SLC22A3: variants seen among roughly 807,000 people sequenced by gnomAD.
The protein encoded by SLC22A3 is solute carrier family 22 member 3, also known as EMT organic cation transporter 3.
In SLC22A3, 51 loss-of-function variants were observed where a neutral mutation model predicts 59.1. That is an observed-to-expected ratio of 0.86 (90% CI 0.69 to 1.09). The LOEUF is 1.09. Ranked by LOEUF, SLC22A3 falls within the 50% of genes least tolerant of loss-of-function variation. The probability of loss-of-function intolerance (pLI) is 0.00; values close to 1 mark genes in which losing one functional copy is unlikely to be tolerated. For missense variants in SLC22A3, 711 were observed against 726.3 expected (o/e 0.98, Z 0.24); for synonymous variants, 325 against 292.0 (o/e 1.11, Z -1.15).
At chr6:160,414,417 G>C (rs1228876507) in intron 5 of SLC22A3, among the ~76,000 whole-genome samples, 3 of 152,066 alleles carry the variant, frequency 2.0e-5, no homozygotes, top group African/African-American at 7.2e-5. Context: ...ATAATAAATT[G>C]GCTCCCTACA....
At chr6:160,370,408 G>A (rs1043723506) in intron 1 of SLC22A3, among the ~76,000 whole-genome samples, 5 of 152,172 alleles carry the variant, frequency 3.3e-5, no homozygotes, top group Non-Finnish European at 7.3e-5. Flanking sequence ...GCATATGTGG[G>A]TATCCACGTG....
intron 5 of SLC22A3, among the ~76,000 whole-genome samples, chr6:160,433,549 C>CTAT (rs1424557802): frequency 6.6e-6 from 1 of 151,410 alleles, no homozygotes; most frequent in African/African-American, 2.4e-5. Flanking sequence ...ACTACTACTA[C>CTAT]TGCTACTAAT....
intron 5 of SLC22A3, among the ~76,000 whole-genome samples, chr6:160,434,944 G>C (rs1267623965): frequency 6.6e-6 from 1 of 152,208 alleles, no homozygotes; most frequent in East Asian, 1.9e-4. Flanking sequence ...TCTACTCCAT[G>C]AGTTCCATTT....
chr6:160,412,499 A>C (rs62440391), intron 5 of SLC22A3, among the ~76,000 whole-genome samples: 1 of 152,182 alleles, frequency 6.6e-6, no homozygotes. Context: ...AAAGGTTTCA[A>C]CTGAACAGAT....
chr6:160,443,745 A>G lies in SLC22A3; in HGVS notation c.1510+3A>G, dbSNP rs371685557. 3 of 1,585,888 alleles carry G rather than the reference A, an allele frequency of 1.9e-6. No individual in the cohort carries two copies. The highest frequency in any genetic ancestry group is 2.7e-5 in the African/African-American group (2 of 74,346). ...AGAACTACCTCTGATCATCTTTGGTAAGAACTCATTTGCTATTCTTAAGAG... is the reference window on the plus strand; with the variant it reads ...AGAACTACCTCTGATCATCTTTGGTGAGAACTCATTTGCTATTCTTAAGAG... On this transcript the variant is annotated splice_donor_region_variant and intron_variant, in intron 9 of 10. Coordinates refer to ENST00000275300, the MANE Select transcript of SLC22A3 (RefSeq NM_021977.4).
At chr6:160,412,346 A>G (rs1787289017) in intron 5 of SLC22A3, among the ~76,000 whole-genome samples, 1 of 152,102 alleles carries the variant, frequency 6.6e-6, no homozygotes, top group African/African-American at 2.4e-5. Flanking sequence ...CTGAGCAAAA[A>G]GAGTGAAACT....
At chr6:160,364,575 G>T (rs1337403997) in intron 1 of SLC22A3, among the ~76,000 whole-genome samples, 1 of 152,170 alleles carries the variant, frequency 6.6e-6, no homozygotes, top group Non-Finnish European at 1.5e-5. Context: ...TCTCAGTAAG[G>T]CACAGTAAAG....
chr6:160,398,366 C>T (rs75379359), intron 2 of SLC22A3, among the ~76,000 whole-genome samples: 2,036 of 152,274 alleles, frequency 0.013, 40 homozygotes, highest in Middle Eastern at 0.075. Context: ...AACATCATGA[C>T]TGGGTTGATG....
At position 160,443,630 on chromosome 6, in the gene SLC22A3, A is replaced by G. The variant is rs752437304; in HGVS notation, c.1398A>G (p.Arg466=). The change falls in exon 9 of 11, where the codon CGA becomes CGG. Residue 466 remains arginine (R), a splice_region_variant and synonymous_variant. Coordinates refer to ENST00000275300, the MANE Select transcript of SLC22A3 (RefSeq NM_021977.4). The stretch of plus-strand genomic sequence containing the variant: ...CTTAAAATTACTTTTCATTCAACAG[A>G]AATTTCGGAGTTTCGCTCTGTTCAG... The part of the protein sequence containing the change: ...VNSELYPTTL[R]NFGVSLCSGL... 1.4e-5 allele frequency: 22 copies of G among 1,608,176 alleles called. No homozygotes were observed. In the East Asian group the frequency reaches 4.7e-4, roughly 34 times the overall value.
At chr6:160,422,870 T>C (rs1223098654) in intron 5 of SLC22A3, among the ~76,000 whole-genome samples, 3 of 152,114 alleles carry the variant, frequency 2.0e-5, no homozygotes, top group Non-Finnish European at 4.4e-5. Flanking sequence ...CTAGGGTACA[T>C]GTGCACAACG....
At chr6:160,397,138 G>A (rs1246372360) in intron 1 of SLC22A3, among the ~76,000 whole-genome samples, 5 of 152,152 alleles carry the variant, frequency 3.3e-5, no homozygotes, top group Admixed American at 1.3e-4. Flanking sequence ...ATGGATGGAG[G>A]GAGTGGGGGC....
intron 5 of SLC22A3, among the ~76,000 whole-genome samples, chr6:160,417,566 T>C (rs565146086): frequency 6.6e-6 from 1 of 152,310 alleles, no homozygotes; most frequent in African/African-American, 2.4e-5. Flanking sequence ...TTGTGGTAGA[T>C]TAAATTACTG....
chr6:160,410,808 A>C lies in SLC22A3; in HGVS notation c.937A>C (p.Lys313Gln). 1.9e-6 allele frequency: 3 copies of C among 1,611,568 alleles called. No homozygotes were observed. The South Asian group carries it at 3.3e-5, about 18-fold the overall frequency. Reference protein sequence around the residue: ...KALQILRRIAKCNGKYLSSNY... With the variant: ...KALQILRRIAQCNGKYLSSNY... ...ATTACAGATCCTGAGACGCATTGCT[A>C]AGTGCAATGGGAAATACCTCTCATC... The change falls in exon 5 of 11, where the codon AAG (lysine) becomes CAG (glutamine). Residue 313 changes from lysine (K) to glutamine (Q), a missense_variant. Lys to Gln is a moderately conservative substitution (Grantham distance 53). Transcript: ENST00000275300.
In SLC22A3 at chr6:160,380,859, C is replaced by G. The variant is rs563891217; in HGVS notation, c.430-17120C>G. On this transcript the variant is annotated intron_variant, in intron 1 of 10. Coordinates refer to ENST00000275300, the MANE Select transcript of SLC22A3 (RefSeq NM_021977.4). ...GATTAAAAATACAACGGCATTGGGACTTTTCTAGAAAATTCAAGATATGTG... is the reference window on the plus strand; with the variant it reads ...GATTAAAAATACAACGGCATTGGGAGTTTTCTAGAAAATTCAAGATATGTG... Among the ~76,000 whole-genome samples the G allele has an allele frequency of 2.9e-4, 44 of 152,254 alleles. No homozygotes were observed. In the South Asian group the frequency reaches 3.9e-3, roughly 14 times the overall value.
At chr6:160,391,720 C>G (rs527707347) in intron 1 of SLC22A3, among the ~76,000 whole-genome samples, 5 of 152,256 alleles carry the variant, frequency 3.3e-5, no homozygotes, top group Admixed American at 2.0e-4. Flanking sequence ...TAACTGCAAG[C>G]CTTCACTACA....
intron 5 of SLC22A3, among the ~76,000 whole-genome samples, chr6:160,436,513 A>C (rs961187146): frequency 2.6e-5 from 4 of 152,228 alleles, no homozygotes; most frequent in African/African-American, 9.6e-5. Context: ...ATAAATGTGC[A>C]TATGTATTTA....
chr6:160,432,816 T>C (rs907662749), intron 5 of SLC22A3, among the ~76,000 whole-genome samples: 2 of 152,246 alleles, frequency 1.3e-5, no homozygotes, highest in Admixed American at 6.5e-5. Context: ...CATTACCGCA[T>C]AATGGTTAAA....
intron 1 of SLC22A3, among the ~76,000 whole-genome samples, chr6:160,374,565 A>C (rs1018186303): frequency 6.6e-6 from 1 of 152,234 alleles, no homozygotes; most frequent in Admixed American, 6.5e-5. Flanking sequence ...TAGAAAATAC[A>C]GGATCTTGAA....
Position 160,437,140 on chromosome 6 carries a change from G to C in SLC22A3, c.1217G>C (p.Arg406Pro), listed in dbSNP as rs758000438. Residue 406 changes from arginine to proline, a missense_variant, in exon 7 of 11, where the codon CGA becomes CCA. Arg to Pro is a moderately radical substitution (Grantham distance 103, BLOSUM62 -2). Transcript: ENST00000275300. ...TTACTAACCATTGAGCGCCTTGGAC[G>C]ACGCCTCCCCTTTGCGGCAAGCAAT... is the stretch of plus-strand genomic sequence containing the variant. Reference protein sequence around the residue: ...LILLTIERLGRRLPFAASNIV... With the variant: ...LILLTIERLGPRLPFAASNIV... 2 of 1,614,030 alleles carry C rather than the reference G, an allele frequency of 1.2e-6. No individual in the cohort carries two copies. Among genetic ancestry groups the C allele is most frequent in the South Asian group, 2.2e-5 (2 of 91,088 alleles).
Sources: allele counts gnomAD v4.1 joint callset (sites outside exome capture counted in the v4.1 genomes callset), GRCh38; gene constraint gnomAD v4.1.1; transcripts MANE v1.5; gene names NCBI Gene and HGNC (gene_info 2026-07-23, HGNC 2026-07-21).